The following PPP1R1C variants were observed in gnomAD, a reference collection of about 807,000 sequenced individuals.
The protein encoded by PPP1R1C is protein phosphatase 1 regulatory subunit 1C.
A neutral mutation model predicts 17.4 loss-of-function variants in PPP1R1C; 15 were observed. The observed-to-expected ratio is 0.86, with a 90% CI of 0.58 to 1.33. The LOEUF (loss-of-function observed/expected upper bound fraction) is 1.33, where lower values mean the gene tolerates loss of function less well. PPP1R1C is among the 40% of genes most tolerant of loss of function. PPP1R1C has a pLI of 0.00. For missense variants in PPP1R1C, 143 were observed against 130.0 expected (o/e 1.10, Z -0.48); for synonymous variants, 35 against 43.1 (o/e 0.81, Z 0.73).
Position 181,962,081 on chromosome 2 carries a change from A to C in PPP1R1C, n.111+7447A>C, listed in dbSNP as rs1684808905. On this transcript the variant is annotated intron_variant and non_coding_transcript_variant, in intron 1 of 5. Coordinates refer to the PPP1R1C transcript ENST00000464264. This position sits in a 1 kb window ranked among gnomAD's most constrained non-coding sequence, Gnocchi z 6.0. ...GAAGATCTGAACCCTCAGGTCCTCGATGGTCTTGAGGTAATGACTCCAGTC... is the reference window on the plus strand; with the variant it reads ...GAAGATCTGAACCCTCAGGTCCTCGCTGGTCTTGAGGTAATGACTCCAGTC... The C allele has an allele frequency of 1.4e-6, 1 of 721,738 alleles. No individual in the cohort carries two copies. Among genetic ancestry groups the C allele is most frequent in the South Asian group, 1.4e-5 (1 of 73,534 alleles). 44.7% of individuals were successfully genotyped at this position (721,738 alleles called of 1,614,324 possible).
intron 1 of PPP1R1C, among the ~76,000 whole-genome samples, chr2:181,959,487 C>G (rs1574338500): frequency 6.6e-6 from 1 of 152,258 alleles, no homozygotes; most frequent in South Asian, 2.1e-4. Context: ...AACCCATCAA[C>G]TAGTTAATAC....
At chr2:182,124,344 T>G (rs558335534) in intron 5 of PPP1R1C, among the ~76,000 whole-genome samples, 1 of 146,172 alleles carries the variant, frequency 6.8e-6, no homozygotes, top group South Asian at 2.1e-4. Context: ...TTTTTGTTTT[T>G]TTTTTTTTGC....
chr2:182,121,897 G>T (rs1291352476), downstream of PPP1R1C, among the ~76,000 whole-genome samples: 1 of 152,010 alleles, frequency 6.6e-6, no homozygotes, highest in East Asian at 1.9e-4. Flanking sequence ...CACCTTTCCT[G>T]CTTCTTTGAT....
chr2:182,077,005 G>T (rs900929033), intron 4 of PPP1R1C, among the ~76,000 whole-genome samples: 1 of 152,110 alleles, frequency 6.6e-6, no homozygotes, highest in African/African-American at 2.4e-5. Context: ...AGTGTCATTT[G>T]ATTATTATTA....
rs149641988 is a variant in PPP1R1C, at chr2:181,990,346, G to A, written c.142+2447G>A. Among the ~76,000 whole-genome samples, 800 of 151,812 alleles carry A rather than the reference G, an allele frequency of 5.3e-3. 9 individuals are homozygous for A. The highest frequency in any genetic ancestry group is 0.018 in the African/African-American group (761 of 41,392). ...TTTTTAGTAGAGACGGGGTTTCACC[G>A]TGTTAGCCGGATGGTCTCGATCTCC... On this transcript the variant is annotated intron_variant, in intron 2 of 4. Transcript: ENST00000682840.
intron 2 of PPP1R1C, among the ~76,000 whole-genome samples, chr2:182,008,597 C>A (rs1390279639): frequency 1.3e-5 from 2 of 152,148 alleles, no homozygotes. Context: ...TTGATACAAG[C>A]ATACAATGTG....
At chr2:182,042,988 A>G (rs1687230068) in intron 2 of PPP1R1C, among the ~76,000 whole-genome samples, 1 of 152,238 alleles carries the variant, frequency 6.6e-6, no homozygotes, top group Non-Finnish European at 1.5e-5. Context: ...TATTTGTTTA[A>G]AAACTTTCTC....
chr2:182,105,534 G>A (rs1321826173), intron 4 of PPP1R1C, among the ~76,000 whole-genome samples: 1 of 152,088 alleles, frequency 6.6e-6, no homozygotes, highest in Non-Finnish European at 1.5e-5. Flanking sequence ...TTATAGTGAC[G>A]GGAGAGGGAA....
intron 4 of PPP1R1C, among the ~76,000 whole-genome samples, chr2:182,110,442 T>A (rs1689383302): frequency 6.6e-6 from 1 of 152,200 alleles, no homozygotes; most frequent in African/African-American, 2.4e-5. Flanking sequence ...ATGCTAGCTC[T>A]GTTGCTATCA....
chr2:182,043,643 T>C (rs898979443), intron 2 of PPP1R1C, among the ~76,000 whole-genome samples: 32 of 151,920 alleles, frequency 2.1e-4, no homozygotes, highest in African/African-American at 7.5e-4. Context: ...CCCTGAAGAG[T>C]ATGCTGACGT....
intron 2 of PPP1R1C, among the ~76,000 whole-genome samples, chr2:182,054,795 G>A (rs1687631984): frequency 6.6e-6 from 1 of 151,988 alleles, no homozygotes; most frequent in African/African-American, 2.4e-5. Flanking sequence ...TTGGTAGCTG[G>A]AATTATAGGT....
chr2:181,997,092 G>A (rs142631820), intron 2 of PPP1R1C, among the ~76,000 whole-genome samples: 2,857 of 152,158 alleles, frequency 0.019, 86 homozygotes, highest in African/African-American at 0.065. Context: ...AGCTGGGCGC[G>A]GTGGCGGGCG....
At chr2:182,076,491 G>A (rs957741526) in intron 4 of PPP1R1C, among the ~76,000 whole-genome samples, 1 of 151,648 alleles carries the variant, frequency 6.6e-6, no homozygotes, top group East Asian at 1.9e-4. Flanking sequence ...TGTTATTGAA[G>A]AAATAATATA....
chr2:182,043,137 A>G (rs1273524478), intron 2 of PPP1R1C, among the ~76,000 whole-genome samples: 1 of 152,216 alleles, frequency 6.6e-6, no homozygotes, highest in African/African-American at 2.4e-5. Context: ...CCAGTTCACT[A>G]CTCACAGAGT....
chr2:182,110,883 T>C (rs1689397119), intron 4 of PPP1R1C, among the ~76,000 whole-genome samples: 1 of 152,084 alleles, frequency 6.6e-6, no homozygotes. Context: ...TTAACTCTAC[T>C]TCTAAATTCA....
At chr2:182,084,488 T>C (rs1474764841) in intron 4 of PPP1R1C, among the ~76,000 whole-genome samples, 1 of 152,164 alleles carries the variant, frequency 6.6e-6, no homozygotes, top group East Asian at 1.9e-4. Flanking sequence ...TACATGTGGC[T>C]ATCCAGTTTT....
chr2:181,966,222 T>C (rs948280332), intron 1 of PPP1R1C, among the ~76,000 whole-genome samples: 1 of 152,196 alleles, frequency 6.6e-6, no homozygotes, highest in Non-Finnish European at 1.5e-5. Flanking sequence ...CTTTAGGTTT[T>C]TACAAATATA....
At chr2:182,120,302 C>T (rs187419304), downstream of PPP1R1C, among the ~76,000 whole-genome samples, 7 of 152,200 alleles carry the variant, frequency 4.6e-5, no homozygotes, top group Admixed American at 3.9e-4. Flanking sequence ...GTTTTGGTTA[C>T]TGTAGCCTTG....
intron 4 of PPP1R1C, among the ~76,000 whole-genome samples, chr2:182,086,211 C>T (rs1340330213): frequency 6.6e-6 from 1 of 151,926 alleles, no homozygotes; most frequent in Non-Finnish European, 1.5e-5. Flanking sequence ...AGAGCTGTCA[C>T]AAGTTAAGCT....
Sources: allele counts gnomAD v4.1 joint callset (sites outside exome capture counted in the v4.1 genomes callset), GRCh38; gene constraint gnomAD v4.1.1; non-coding constraint Gnocchi (gnomAD v3.1); transcripts MANE v1.5; gene names NCBI Gene and HGNC (gene_info 2026-07-23, HGNC 2026-07-21).